The following TPH2 variants were observed in gnomAD, a reference collection of about 807,000 sequenced individuals.
TPH2 encodes tryptophan hydroxylase 2.
Under a neutral mutation model 59.1 loss-of-function variants are expected in TPH2, and 27 were observed. The observed-to-expected ratio is 0.46, with a 90% CI of 0.34 to 0.63. The LOEUF (loss-of-function observed/expected upper bound fraction) is 0.63, where lower values mean the gene tolerates loss of function less well. Among genes scored for constraint, TPH2 ranks in the 30% least tolerant of loss-of-function variants. TPH2 has a pLI of 0.01. For missense variants in TPH2, 523 were observed against 588.3 expected, an observed-to-expected ratio of 0.89 and a Z score of 1.15; for synonymous variants, 220 against 210.5, an observed-to-expected ratio of 1.05 and a Z score of -0.39.
In TPH2 at chr12:71,982,015, A is replaced by ATTTT. The variant is rs781612841; in HGVS notation, c.941+2942_941+2945dup. 5.8e-4 allele frequency among the ~76,000 whole-genome samples: 35 copies of ATTTT among 60,506 alleles called. 8 individuals are homozygous for ATTTT. Among genetic ancestry groups the ATTTT allele is most frequent in the South Asian group, 2.2e-3 (4 of 1,800 alleles). The allele number at this position is 60,506 out of a possible 152,430, so 39.7% of individuals were successfully genotyped here. A position where few individuals can be genotyped will look rare whatever the true frequency, so the allele number is the denominator to read the frequency against. ...TTTTTGTGGGTTTCATATCATTCGT[A>ATTTT]TTTTTTTTTTTTTTTTTAGACAGAG... On this transcript the variant is annotated intron_variant, in intron 7 of 10. Coordinates refer to ENST00000333850, the MANE Select transcript of TPH2 (RefSeq NM_173353.4).
At chr12:72,012,724 C>T (rs949669526) in intron 8 of TPH2, among the ~76,000 whole-genome samples, 1 of 152,098 alleles carries the variant, frequency 6.6e-6, no homozygotes, top group African/African-American at 2.4e-5. Context: ...TTGGGTGGCA[C>T]CAATGTCAGA....
chr12:71,978,215 T>TA (rs60298553), intron 6 of TPH2, among the ~76,000 whole-genome samples: 1,939 of 144,468 alleles, frequency 0.013, 30 homozygotes, highest in African/African-American at 0.045. Flanking sequence ...AATGCATATT[T>TA]AAAAAAAAAA....
chr12:72,028,983 G>A (rs185215877), intron 9 of TPH2, among the ~76,000 whole-genome samples: 2 of 152,244 alleles, frequency 1.3e-5, no homozygotes, highest in Non-Finnish European at 2.9e-5. Context: ...ATGCTTTTTA[G>A]CTGTTAAAAT....
chr12:71,972,762 G>A (rs762280177), intron 6 of TPH2, 47 bp downstream of exon 6: 1 of 1,576,548 alleles, frequency 6.3e-7, no homozygotes, highest in South Asian at 1.1e-5. Flanking sequence ...ATCCTCAATT[G>A]CCTTCCAAGG....
intron 6 of TPH2, among the ~76,000 whole-genome samples, chr12:71,978,276 C>T (rs1340112930): frequency 1.3e-5 from 2 of 150,532 alleles, no homozygotes; most frequent in African/African-American, 4.9e-5. Context: ...GAGAAGAAAA[C>T]ATTAAGTAGC....
rs557063960 is a variant in TPH2 at position 71,941,671 on chromosome 12, G to A, written c.193G>A (p.Ala65Thr). 73 of 1,614,136 alleles carry A rather than the reference G, an allele frequency of 4.5e-5. No homozygotes were observed. The South Asian group carries it at 8.0e-4, about 18-fold the overall frequency. Reference protein sequence around the residue: ...REAATESGKTAVVFSLKNEVG... With the variant: ...REAATESGKTTVVFSLKNEVG... ...AGCTGCTACCGAAAGTGGCAAGACA[G>A]CAGTTGTTTTCTCCTTGAAGAATGA... The change falls in exon 2 of 11, where the codon GCA becomes ACA. Residue 65 changes from alanine to threonine, a missense_variant. Transcript: ENST00000333850.
At chr12:71,941,525 C>A in intron 1 of TPH2, 59 bp from the exon 2 acceptor site, 2 of 1,566,910 alleles carry the variant, frequency 1.3e-6, no homozygotes, top group Non-Finnish European at 1.7e-6. Context: ...AATCTAATTA[C>A]GGAGGATTCT....
At chr12:71,996,580 G>C (rs1872699128) in intron 8 of TPH2, among the ~76,000 whole-genome samples, 1 of 152,078 alleles carries the variant, frequency 6.6e-6, no homozygotes, top group Non-Finnish European at 1.5e-5. Context: ...CTATACCCTT[G>C]ATCACGGAGC....
chr12:71,962,429 A>G (rs1871711928), intron 5 of TPH2: 8 of 985,432 alleles, frequency 8.1e-6, no homozygotes, highest in Non-Finnish European at 9.6e-6. Flanking sequence ...TTTTGGTTAC[A>G]AGTGTGACTG....
At chr12:71,973,935 C>T (rs1177742196) in intron 6 of TPH2, among the ~76,000 whole-genome samples, 1 of 151,890 alleles carries the variant, frequency 6.6e-6, no homozygotes, top group Non-Finnish European at 1.5e-5. Context: ...GACAACACCT[C>T]CTTGGAACAA....
rs748068454 is a variant in TPH2, at chr12:71,945,910, T to C, written c.540+1224T>C. 3.9e-5 allele frequency among the ~76,000 whole-genome samples: 6 copies of C among 152,322 alleles called. 1 individual carries two copies. Among genetic ancestry groups the C allele is most frequent in the Middle Eastern group, 6.8e-3 (2 of 294 alleles). Reference sequence around the variant, plus strand: ...CATAGCCTAAAATTTCAGAATATTTTCCAGTAATTCACATGTAAGGCTTCT... The same window carrying C: ...CATAGCCTAAAATTTCAGAATATTTCCCAGTAATTCACATGTAAGGCTTCT... On this transcript the variant is annotated intron_variant, in intron 4 of 10. Coordinates refer to ENST00000333850, the MANE Select transcript of TPH2 (RefSeq NM_173353.4).
chr12:72,007,943 T>C (rs1872998879), intron 8 of TPH2, among the ~76,000 whole-genome samples: 2 of 152,170 alleles, frequency 1.3e-5, no homozygotes, highest in Admixed American at 1.3e-4. Flanking sequence ...TAGAGTCAGT[T>C]ATGGCCCATT....
intron 4 of TPH2, among the ~76,000 whole-genome samples, chr12:71,946,982 G>A (rs903546404): frequency 3.9e-5 from 6 of 152,136 alleles, no homozygotes; most frequent in Non-Finnish European, 1.5e-5. Context: ...CATCTAGACT[G>A]GGAAGGTCTT....
chr12:72,023,868 T>A (rs1228661666), intron 9 of TPH2, among the ~76,000 whole-genome samples: 1 of 148,924 alleles, frequency 6.7e-6, no homozygotes, highest in African/African-American at 2.5e-5. Flanking sequence ...AACAAGCATT[T>A]AAATAGACAA....
Position 71,979,091 on chromosome 12 carries a change from A to G in TPH2, c.941+4A>G, listed in dbSNP as rs1404516574. On this transcript the variant is annotated splice_donor_region_variant and intron_variant, in intron 7 of 10. Transcript: ENST00000333850. ...ATCCCCTCTACACCCCAGAACCGTG[A>G]GTACCTACATTAAAGCCCAGGCCAC... 9.3e-6 allele frequency: 15 copies of G among 1,614,004 alleles called. No homozygotes were observed. Among genetic ancestry groups the G allele is most frequent in the Non-Finnish European group, 1.3e-5 (15 of 1,179,994 alleles).
At chr12:72,021,801 T>C (rs1360014962) in intron 8 of TPH2, among the ~76,000 whole-genome samples, 3 of 152,208 alleles carry the variant, frequency 2.0e-5, no homozygotes, top group African/African-American at 7.2e-5. Flanking sequence ...AACATAGATA[T>C]ATATTTAAGA....
chr12:71,944,598 T>G lies in TPH2; in HGVS notation c.452T>G (p.Val151Gly), dbSNP rs1346046481. 2 of 1,613,874 alleles carry G rather than the reference T, an allele frequency of 1.2e-6. No individual in the cohort carries two copies. The highest frequency in any genetic ancestry group is 2.7e-5 in the African/African-American group (2 of 74,924). The change falls in exon 4 of 11, where the codon GTG becomes GGG. Residue 151 changes from valine (V) to glycine (G), a missense_variant. By Grantham distance (109) the Val-to-Gly change is moderately radical. Transcript: ENST00000333850. ...IWTEEEELED[V>G]PWFPRKISEL... The stretch of plus-strand genomic sequence containing the variant: ...CTGTTTTCAACAGAGCTAGAGGATG[T>G]GCCCTGGTTCCCTCGGAAGATCTCT...
chr12:71,992,510 G>A lies in TPH2; in HGVS notation c.942-1929G>A, dbSNP rs182898777. Among the ~76,000 whole-genome samples the A allele has an allele frequency of 1.1e-4, 17 of 151,770 alleles. No individual in the cohort carries two copies. In the East Asian group the frequency reaches 3.1e-3, roughly 28 times the overall value. On this transcript the variant is annotated intron_variant, in intron 7 of 10. Transcript: ENST00000333850. ...TCCCAACTACTTGAGGGGCTGAGGT[G>A]GGAGGATCGCTTGAGCCCAGGAGGT...
intron 5 of TPH2, among the ~76,000 whole-genome samples, chr12:71,969,257 T>C (rs999304925): frequency 6.6e-6 from 1 of 152,142 alleles, no homozygotes; most frequent in African/African-American, 2.4e-5. Flanking sequence ...CACTCCAGCC[T>C]GGGCGACAGG....
Sources: gnomAD v4.1 joint callset for allele counts (sites outside exome capture counted in the v4.1 genomes callset) on GRCh38, gnomAD v4.1.1 for gene constraint, MANE v1.5 for transcripts, NCBI Gene and HGNC (gene_info 2026-07-23, HGNC 2026-07-21) for gene names.